Variants in LOC128092252 observed in about 807,000 individuals in gnomAD.
the LOC128092252 span, among the ~76,000 whole-genome samples, chr15:50,672,635 T>G: frequency 6.6e-6 from 1 of 151,444 alleles, no homozygotes; most frequent in African/African-American, 2.4e-5. Flanking sequence ...AGTAGCCAGG[T>G]GCGGTGGCTC....
the LOC128092252 span, among the ~76,000 whole-genome samples, chr15:50,661,037 G>A: frequency 1.3e-5 from 2 of 150,828 alleles, no homozygotes; most frequent in Admixed American, 6.6e-5. Flanking sequence ...GTGCAGCAGT[G>A]TGGATCTCAG....
At chr15:50,669,296 G>T in the LOC128092252 span, among the ~76,000 whole-genome samples, 1 of 150,494 alleles carries the variant, frequency 6.6e-6, no homozygotes, top group African/African-American at 2.5e-5. Context: ...TTAGCCAGGC[G>T]TGGTGGTGTG....
chr15:50,661,180 T>A, the LOC128092252 span, among the ~76,000 whole-genome samples: 1 of 152,076 alleles, frequency 6.6e-6, no homozygotes, highest in Admixed American at 6.6e-5. Context: ...TTTCACCATG[T>A]TGGCCAGGCT....
chr15:50,674,544 C>A, the LOC128092252 span, among the ~76,000 whole-genome samples: 1 of 152,048 alleles, frequency 6.6e-6, no homozygotes, highest in African/African-American at 2.4e-5. Context: ...TGTCTTTTAA[C>A]CTTCATACTA....
At chr15:50,685,676 T>C in the LOC128092252 span, among the ~76,000 whole-genome samples, 2 of 152,222 alleles carry the variant, frequency 1.3e-5, no homozygotes, top group African/African-American at 4.8e-5. Context: ...ATACCTACTT[T>C]GCTCTTCATG....
At chr15:50,685,692 G>C in the LOC128092252 span, among the ~76,000 whole-genome samples, 4 of 152,156 alleles carry the variant, frequency 2.6e-5, no homozygotes, top group Non-Finnish European at 5.9e-5. Flanking sequence ...TCATGTCCCT[G>C]ATGTAAATGA....
the LOC128092252 span, among the ~76,000 whole-genome samples, chr15:50,685,220 TG>T: frequency 3.9e-5 from 6 of 152,304 alleles, no homozygotes; most frequent in African/African-American, 1.2e-4. Context: ...CCCAGGACTT[TG>T]GGGGGCTGAG....
the LOC128092252 span, among the ~76,000 whole-genome samples, chr15:50,656,159 T>A: frequency 6.6e-6 from 1 of 151,580 alleles, no homozygotes; most frequent in South Asian, 2.1e-4. Context: ...AGCTGCACTA[T>A]ATGAAATGCT....
the LOC128092252 span, among the ~76,000 whole-genome samples, chr15:50,674,425 C>G: frequency 6.6e-6 from 1 of 152,210 alleles, no homozygotes; most frequent in African/African-American, 2.4e-5. Context: ...AGCCGTGGCA[C>G]CCAGCCAGTG....
At chr15:50,680,531 T>C in the LOC128092252 span, among the ~76,000 whole-genome samples, 2 of 150,792 alleles carry the variant, frequency 1.3e-5, no homozygotes, top group Non-Finnish European at 2.9e-5. Flanking sequence ...ATCGCACCAC[T>C]GAACTCTAGC....
the LOC128092252 span, among the ~76,000 whole-genome samples, chr15:50,675,923 T>A: frequency 1.1e-4 from 16 of 152,354 alleles, no homozygotes; most frequent in Admixed American, 3.9e-4. Context: ...TGCTGTTTAC[T>A]ATGTGTGCAA....
the LOC128092252 span, among the ~76,000 whole-genome samples, chr15:50,653,998 G>C: frequency 6.6e-6 from 1 of 151,990 alleles, no homozygotes; most frequent in Non-Finnish European, 1.5e-5. Flanking sequence ...CCACATCCTA[G>C]GACTAAGTTC....
At chr15:50,670,817 A>G in the LOC128092252 span, among the ~76,000 whole-genome samples, 1 of 151,820 alleles carries the variant, frequency 6.6e-6, no homozygotes, top group South Asian at 2.1e-4. Flanking sequence ...AAAGAAAAAA[A>G]AAAAAAAAGC....
At chr15:50,659,803 G>A in the LOC128092252 span, among the ~76,000 whole-genome samples, 1 of 151,996 alleles carries the variant, frequency 6.6e-6, no homozygotes, top group South Asian at 2.1e-4. Flanking sequence ...AAGTAGCTGG[G>A]ATTACAAGTG....
At chr15:50,679,538 A>ATATTTTTTTTTTTTTTTT in the LOC128092252 span, among the ~76,000 whole-genome samples, 2 of 43,904 alleles carry the variant, frequency 4.6e-5, no homozygotes, top group African/African-American at 2.1e-4. Context: ...ATATATATAT[A>ATATTTTTTTTTTTTTTTT]TTTTTTTTTT....
chr15:50,655,541 C>T, the LOC128092252 span, among the ~76,000 whole-genome samples: 1 of 150,902 alleles, frequency 6.6e-6, no homozygotes, highest in African/African-American at 2.4e-5. Context: ...CACTCTCAGG[C>T]ATATTATAGA....
the LOC128092252 span, among the ~76,000 whole-genome samples, chr15:50,663,654 T>C: frequency 6.6e-6 from 1 of 152,180 alleles, no homozygotes; most frequent in Non-Finnish European, 1.5e-5. Context: ...CTGGTATTAT[T>C]CTGGGATATG....
the LOC128092252 span, among the ~76,000 whole-genome samples, chr15:50,651,118 C>T: frequency 6.6e-6 from 1 of 152,062 alleles, no homozygotes; most frequent in Non-Finnish European, 1.5e-5. Context: ...GCCCAGGAGG[C>T]AGAGGTTGCA....
chr15:50,650,941 T>C, the LOC128092252 span, among the ~76,000 whole-genome samples: 3 of 152,284 alleles, frequency 2.0e-5, no homozygotes, highest in African/African-American at 7.2e-5. Flanking sequence ...GTAATCCTAG[T>C]ATTTTTGAAA....
Sources: allele counts gnomAD v4.1 joint callset (sites outside exome capture counted in the v4.1 genomes callset), GRCh38; gene constraint gnomAD v4.1.1; transcripts MANE v1.5.